Variants in C13orf42 observed in about 807,000 individuals in gnomAD.
C13orf42 encodes the protein uncharacterized protein C13orf42.
chr13:51,089,212 G>C (rs942333004), intron 1 of C13orf42, among the ~76,000 whole-genome samples: 4 of 152,164 alleles, frequency 2.6e-5, no homozygotes, highest in Admixed American at 2.6e-4. Flanking sequence ...TGTTTATTAA[G>C]TGTATGCATT....
upstream of C13orf42, among the ~76,000 whole-genome samples, chr13:51,115,987 G>C (rs59800527): frequency 0.089 from 13,490 of 151,876 alleles, 882 homozygotes; most frequent in South Asian, 0.26. Flanking sequence ...CCTGGGCTCG[G>C]CCCTCCACAT....
intron 1 of C13orf42, among the ~76,000 whole-genome samples, chr13:51,095,389 G>A (rs1227805085): frequency 6.6e-6 from 1 of 151,852 alleles, no homozygotes; most frequent in Non-Finnish European, 1.5e-5. Context: ...TAATTTGGGG[G>A]AAAATCTCAG....
chr13:51,138,573 A>T (rs945459169), intron 1 of C13orf42, among the ~76,000 whole-genome samples: 18 of 152,196 alleles, frequency 1.2e-4, no homozygotes, highest in African/African-American at 3.6e-4. Context: ...AAAAGAAAAG[A>T]AAAAACAAAG....
Position 51,085,505 on chromosome 13 carries a change from G to A in C13orf42, c.617C>T (p.Pro206Leu), listed in dbSNP as rs1313280381. Residue 206 changes from proline (P) to leucine (L), a missense_variant, in exon 3 of 4, where the codon CCG becomes CTG. Transcript: ENST00000563710. ...SLHSNWILRA[P>L]RRHSEDIAAH... is the part of the protein sequence containing the mutation. ...AGCGATATCCTCGGAGTGTCTGCGC[G>A]GTGCCCGCAGGATCCAGTTAGAATG... 1.3e-5 allele frequency: 5 copies of A among 398,524 alleles called. No homozygotes were observed. Among genetic ancestry groups the A allele is most frequent in the African/African-American group, 4.1e-5 (2 of 48,618 alleles). The allele number at this position is 398,524 out of a possible 1,614,324, so 24.7% of individuals were successfully genotyped here.
intron 1 of C13orf42, among the ~76,000 whole-genome samples, chr13:51,129,634 T>G (rs1953600614): frequency 6.6e-6 from 1 of 152,218 alleles, no homozygotes; most frequent in South Asian, 2.1e-4. Context: ...TCTTTCTCTG[T>G]GCAAACCAGT....
intron 1 of C13orf42, among the ~76,000 whole-genome samples, chr13:51,152,880 A>G (rs1180076189): frequency 6.6e-6 from 1 of 152,126 alleles, no homozygotes; most frequent in Middle Eastern, 3.2e-3. Context: ...TGCTCGAGCC[A>G]CATGTCTGCT....
intron 1 of C13orf42, among the ~76,000 whole-genome samples, chr13:51,109,989 T>C (rs1278403730): frequency 6.6e-6 from 1 of 152,184 alleles, no homozygotes; most frequent in Non-Finnish European, 1.5e-5. Context: ...ATGCAAATTA[T>C]TTCTTTCACT....
chr13:51,121,798 G>A (rs146333105), intron 1 of C13orf42, among the ~76,000 whole-genome samples: 2,789 of 152,260 alleles, frequency 0.018, 64 homozygotes, highest in African/African-American at 0.06. Context: ...GCCTCCCAAA[G>A]TGCTGGAATT....
chr13:51,132,779 A>T (rs1463751281), intron 1 of C13orf42, among the ~76,000 whole-genome samples: 1 of 152,170 alleles, frequency 6.6e-6, no homozygotes, highest in Non-Finnish European at 1.5e-5. Flanking sequence ...CTGCTGGGCC[A>T]CGTTCCCAGG....
intron 1 of C13orf42, among the ~76,000 whole-genome samples, chr13:51,098,633 C>T (rs1593531897): frequency 6.6e-6 from 1 of 152,126 alleles, no homozygotes; most frequent in Admixed American, 6.5e-5. Flanking sequence ...TGCACACTGC[C>T]AGCTGCTGCA....
chr13:51,087,942 T>A lies in C13orf42; in HGVS notation c.548A>T (p.Asp183Val). Residue 183 changes from aspartate (D) to valine (V), a missense_variant, in exon 2 of 4, where the codon GAT (aspartate) becomes GTT (valine). By Grantham distance (152) the Asp-to-Val change is radical (BLOSUM62 -3). Coordinates refer to ENST00000563710, the MANE Select transcript of C13orf42 (RefSeq NM_001351589.3). The stretch of plus-strand genomic sequence containing the variant: ...CTGGCACTCACCGTCAAAGTCCACA[T>A]CTTCATTTGGCAGGCTGGCCTCAGC... Reference protein sequence around the residue: ...RAAEASLPNEDVDFDVATSSR... With the variant: ...RAAEASLPNEVVDFDVATSSR... 1 of 399,064 alleles carries A rather than the reference T, an allele frequency of 2.5e-6. No homozygotes were observed. The highest frequency in any genetic ancestry group is 6.3e-4 in the Middle Eastern group (1 of 1,588). The allele number at this position is 399,064 out of a possible 1,614,324, so 24.7% of individuals were successfully genotyped here. A position where few individuals can be genotyped will look rare whatever the true frequency, so the allele number is the denominator to read the frequency against.
intron 1 of C13orf42, among the ~76,000 whole-genome samples, chr13:51,153,507 A>C (rs1953797733): frequency 6.6e-6 from 1 of 152,174 alleles, no homozygotes; most frequent in Non-Finnish European, 1.5e-5. Context: ...CTACTTTAAA[A>C]AAAATTGTAG....
intron 1 of C13orf42, among the ~76,000 whole-genome samples, chr13:51,143,500 A>G (rs1233232429): frequency 3.3e-5 from 5 of 152,190 alleles, no homozygotes; most frequent in African/African-American, 9.7e-5. Context: ...TATAATGAAG[A>G]TTGTTTACAA....
chr13:51,098,307 C>T (rs1423462052), intron 1 of C13orf42, among the ~76,000 whole-genome samples: 2 of 151,942 alleles, frequency 1.3e-5, no homozygotes, highest in East Asian at 3.9e-4. Context: ...TAAACAGCAA[C>T]ATTGTGTCAG....
upstream of C13orf42, among the ~76,000 whole-genome samples, chr13:51,111,540 G>A (rs112307443): frequency 4.4e-3 from 669 of 152,368 alleles, 2 homozygotes; most frequent in Middle Eastern, 0.014. Flanking sequence ...GCCCCAGCTG[G>A]ATGAAGAAAG....
chr13:51,089,517 C>T (rs1459081185), intron 1 of C13orf42, among the ~76,000 whole-genome samples: 1 of 152,048 alleles, frequency 6.6e-6, no homozygotes, highest in African/African-American at 2.4e-5. Flanking sequence ...TGTGGCACCT[C>T]CCCTTTGCTC....
intron 1 of C13orf42, chr13:51,161,705 G>C (rs902900738): frequency 5.0e-6 from 1 of 201,148 alleles, no homozygotes; most frequent in African/African-American, 2.4e-5. Context: ...TCTTCCATTA[G>C]GTAATGCACG....
intron 1 of C13orf42, among the ~76,000 whole-genome samples, chr13:51,168,637 T>C (rs729030): frequency 6.6e-6 from 1 of 152,110 alleles, no homozygotes; most frequent in African/African-American, 2.4e-5. Flanking sequence ...CCATCACCAA[T>C]GACATGAAGC....
At chr13:51,098,297 T>C (rs561519361) in intron 1 of C13orf42, among the ~76,000 whole-genome samples, 5 of 152,172 alleles carry the variant, frequency 3.3e-5, no homozygotes, top group South Asian at 4.2e-4. Flanking sequence ...CTTCCCGTTG[T>C]AAACAGCAAC....
Sources: gnomAD v4.1 joint callset for allele counts (sites outside exome capture counted in the v4.1 genomes callset) on GRCh38, gnomAD v4.1.1 for gene constraint, MANE v1.5 for transcripts, NCBI Gene and HGNC (gene_info 2026-07-23, HGNC 2026-07-21) for gene names.